Variants in PCYT1A observed in about 807,000 individuals in gnomAD.
PCYT1A encodes the protein choline-phosphate cytidylyltransferase A.
A neutral mutation model predicts 43.7 loss-of-function variants in PCYT1A; 25 were observed. That is an observed-to-expected ratio of 0.57 (90% confidence interval 0.42 to 0.80). The LOEUF is 0.80. PCYT1A is among the 30% of genes least tolerant of loss of function. The pLI is 0.00. For missense variants in PCYT1A, 421 were observed against 474.2 expected (o/e 0.89, Z 1.04); for synonymous variants, 172 against 170.7 (o/e 1.01, Z -0.06).
intron 2 of PCYT1A, among the ~76,000 whole-genome samples, chr3:196,264,716 C>T (rs1370726438): frequency 2.6e-5 from 4 of 152,014 alleles, no homozygotes; most frequent in African/African-American, 9.7e-5. Context: ...GGTATCCTTC[C>T]TACTCCTTTT....
At chr3:196,249,779 G>A (rs1165077445) in intron 3 of PCYT1A, among the ~76,000 whole-genome samples, 1 of 152,202 alleles carries the variant, frequency 6.6e-6, no homozygotes, top group African/African-American at 2.4e-5. Context: ...TGCTGAGGTT[G>A]AGGATCAGAT....
chr3:196,254,753 C>G (rs972908236), intron 3 of PCYT1A, among the ~76,000 whole-genome samples: 6 of 152,202 alleles, frequency 3.9e-5, no homozygotes, highest in Admixed American at 3.3e-4. Flanking sequence ...CGCTGCACCA[C>G]TGGTGACTAA....
At chr3:196,256,414 C>T (rs975794842) in intron 3 of PCYT1A, among the ~76,000 whole-genome samples, 7 of 152,020 alleles carry the variant, frequency 4.6e-5, no homozygotes, top group Admixed American at 2.0e-4. Flanking sequence ...TGCTTGAACC[C>T]GGGAGGAGGA....
chr3:196,266,858 CAG>C (rs1725287717), intron 2 of PCYT1A, among the ~76,000 whole-genome samples: 2 of 151,758 alleles, frequency 1.3e-5, no homozygotes, highest in South Asian at 4.2e-4. Flanking sequence ...GCCTGGGCAA[CAG>C]AGTGAGACTC....
rs990505258 is a variant in PCYT1A at position 196,242,706 on chromosome 3, C to G, written c.487-66G>C. ...CATTCAGAAAGACCCAGTCAATGTT[C>G]TCAGGCCCAGAAAAAGGACAATAGG... On this transcript the variant is annotated intron_variant, in intron 5 of 8. Coordinates refer to ENST00000431016, the MANE Select transcript of PCYT1A (RefSeq NM_001312673.2). This position sits in a 1 kb window ranked among gnomAD's most constrained non-coding sequence, Gnocchi z 4.2. 20 of 1,079,822 alleles carry G rather than the reference C, an allele frequency of 1.9e-5. No homozygotes were observed. The highest frequency in any genetic ancestry group is 3.1e-5 in the African/African-American group (2 of 64,744). The allele number at this position is 1,079,822 out of a possible 1,614,324, so 66.9% of individuals were successfully genotyped here. A position where few individuals can be genotyped will look rare whatever the true frequency, so the allele number is the denominator to read the frequency against.
chr3:196,279,406 G>A (rs1725687390), intron 1 of PCYT1A, among the ~76,000 whole-genome samples: 1 of 151,836 alleles, frequency 6.6e-6, no homozygotes, highest in African/African-American at 2.4e-5. Flanking sequence ...TGAAATTTGA[G>A]CACAGACTCT....
At chr3:196,267,398 T>C in intron 2 of PCYT1A, 1 of 451,938 alleles carries the variant, frequency 2.2e-6, no homozygotes, top group Non-Finnish European at 4.4e-6. Flanking sequence ...TGCTAATGAG[T>C]ACAGGCCTTC....
intron 1 of PCYT1A, among the ~76,000 whole-genome samples, chr3:196,278,443 A>G (rs1213583062): frequency 6.6e-6 from 1 of 152,098 alleles, no homozygotes; most frequent in African/African-American, 2.4e-5. Flanking sequence ...CTGCCTTAAT[A>G]TCCCTGTTTG....
At position 196,235,981 on chromosome 3, in the gene PCYT1A, T is replaced by C. The variant is rs1259749051; in HGVS notation, c.*2707A>G. ...AGATTTTAGCTTTCAGTCAGACAAATAGCTTTCAGTCAAAACGATTAGACT... is the reference window on the plus strand; with the variant it reads ...AGATTTTAGCTTTCAGTCAGACAAACAGCTTTCAGTCAAAACGATTAGACT... On this transcript the variant is annotated 3_prime_UTR_variant, in exon 9 of 9. Coordinates refer to ENST00000431016, the MANE Select transcript of PCYT1A (RefSeq NM_001312673.2). The surrounding 1 kb of genome is among the most constrained non-coding windows in gnomAD (Gnocchi z 4.3). The C allele has an allele frequency of 1.3e-5, 2 of 152,134 alleles. No homozygotes were observed. Among genetic ancestry groups the C allele is most frequent in the Non-Finnish European group, 2.9e-5 (2 of 68,042 alleles). The allele number at this position is 152,134 out of a possible 1,614,324, so 9.4% of individuals were successfully genotyped here.
At chr3:196,272,555 G>T (rs145902592) in intron 1 of PCYT1A, among the ~76,000 whole-genome samples, 1 of 152,116 alleles carries the variant, frequency 6.6e-6, no homozygotes, top group Non-Finnish European at 1.5e-5. Flanking sequence ...CTGACCTCAG[G>T]TGATCCACCC....
chr3:196,238,742 A>G lies in PCYT1A; in HGVS notation c.1050T>C (p.Asn350=). 6.3e-7 allele frequency: 1 copy of G among 1,591,604 alleles called. No homozygotes were observed. Among genetic ancestry groups the G allele is most frequent in the East Asian group, 2.4e-5 (1 of 42,102 alleles). The part of the protein sequence containing the change: ...GKTSPPCSPA[N]LSRHKAAAYD... ...AGGCTGCAGCCTTGTGCCTGGAGAG[A>G]TTTGCTGGGGAGCAAGGTGGGGAAG... is the stretch of plus-strand genomic sequence containing the variant. The change falls in exon 9 of 9, where the codon AAT becomes AAC. Residue 350 remains asparagine, a synonymous_variant. Coordinates refer to ENST00000431016, the MANE Select transcript of PCYT1A (RefSeq NM_001312673.2).
chr3:196,263,023 G>A (rs1268008755), intron 2 of PCYT1A, among the ~76,000 whole-genome samples: 2 of 151,980 alleles, frequency 1.3e-5, no homozygotes, highest in Non-Finnish European at 1.5e-5. Flanking sequence ...TTGAACTCCC[G>A]ACCTCATGAT....
Position 196,242,305 on chromosome 3 carries a change from A to G in PCYT1A, c.566-215T>C. The G allele has an allele frequency of 1.5e-6, 1 of 645,620 alleles. No homozygotes were observed. Among genetic ancestry groups the G allele is most frequent in the East Asian group, 2.7e-5 (1 of 36,766 alleles). The allele number at this position is 645,620 out of a possible 1,614,324, so 40.0% of individuals were successfully genotyped here. On this transcript the variant is annotated intron_variant, in intron 6 of 8. Coordinates refer to ENST00000431016, the MANE Select transcript of PCYT1A (RefSeq NM_001312673.2). This position sits in a 1 kb window ranked among gnomAD's most constrained non-coding sequence, Gnocchi z 4.2. ...AGAGTTACATAGCCCTAATATTAAG[A>G]AAAATATGAGAAAGGGTTTCCTGAA...
At chr3:196,285,089 C>CA (rs1343622203) in intron 1 of PCYT1A, among the ~76,000 whole-genome samples, 1 of 152,198 alleles carries the variant, frequency 6.6e-6, no homozygotes, top group Non-Finnish European at 1.5e-5. Context: ...GATTAATACA[C>CA]TGTACGATAA....
intron 3 of PCYT1A, among the ~76,000 whole-genome samples, chr3:196,253,085 C>T (rs1015212827): frequency 3.9e-5 from 6 of 152,062 alleles, no homozygotes; most frequent in African/African-American, 1.4e-4. Flanking sequence ...CGCCTGTAAT[C>T]CCAGCACTTT....
chr3:196,242,668 C>A lies in PCYT1A; in HGVS notation c.487-28G>T. 4 of 1,436,522 alleles carry A rather than the reference C, an allele frequency of 2.8e-6. No individual in the cohort carries two copies. The highest frequency in any genetic ancestry group is 3.9e-6 in the Non-Finnish European group (4 of 1,018,118). The allele number at this position is 1,436,522 out of a possible 1,614,324, so 89.0% of individuals were successfully genotyped here. A position where few individuals can be genotyped will look rare whatever the true frequency, so the allele number is the denominator to read the frequency against. On this transcript the variant is annotated intron_variant, in intron 5 of 8. Coordinates refer to ENST00000431016, the MANE Select transcript of PCYT1A (RefSeq NM_001312673.2). The surrounding 1 kb of genome is among the most constrained non-coding windows in gnomAD (Gnocchi z 4.2). The stretch of plus-strand genomic sequence containing the variant: ...GAAAATAAGGAAACATCATTAAAAC[C>A]CATGATAACTGCCATTCAGAAAGAC...
rs117654527 is a variant in PCYT1A, at chr3:196,286,223, C to T, written c.-11+1392G>A. 4.4e-3 allele frequency among the ~76,000 whole-genome samples: 667 copies of T among 152,178 alleles called. 16 individuals are homozygous for T. In the South Asian group the frequency reaches 0.07, roughly 16 times the overall value. ...GATTCCAGGCATGCGCCACCACACC[C>T]GCCCAGTGTCCCTATTTCAATATAA... is the stretch of plus-strand genomic sequence containing the variant. On this transcript the variant is annotated intron_variant, in intron 1 of 8. Coordinates refer to ENST00000431016, the MANE Select transcript of PCYT1A (RefSeq NM_001312673.2).
chr3:196,261,149 A>G (rs1475383263), intron 2 of PCYT1A, among the ~76,000 whole-genome samples: 1 of 152,224 alleles, frequency 6.6e-6, no homozygotes, highest in Non-Finnish European at 1.5e-5. Context: ...TAGAGACAGA[A>G]AGCAGATTAG....
At chr3:196,274,630 G>C (rs1725536216) in intron 1 of PCYT1A, among the ~76,000 whole-genome samples, 1 of 152,202 alleles carries the variant, frequency 6.6e-6, no homozygotes, top group Non-Finnish European at 1.5e-5. Flanking sequence ...ATGCCAGACA[G>C]AATGAGGACA....
Sources: gnomAD v4.1 joint callset for allele counts (sites outside exome capture counted in the v4.1 genomes callset) on GRCh38, gnomAD v4.1.1 for gene constraint, Gnocchi (gnomAD v3.1) non-coding constraint, MANE v1.5 for transcripts, NCBI Gene and HGNC (gene_info 2026-07-23, HGNC 2026-07-21) for gene names.